Variants in EGFL6 observed in about 807,000 individuals in gnomAD.
EGFL6 encodes epidermal growth factor-like protein 6.
In EGFL6, 42 loss-of-function variants were observed where a neutral mutation model predicts 43.1. The ratio of observed to expected loss-of-function variants is 0.98; its 90% CI spans 0.76 to 1.26. The LOEUF is 1.26. Ranked by LOEUF, EGFL6 falls within the 50% of genes most tolerant of loss-of-function variation. The pLI is 0.00. For synonymous variants in EGFL6, 164 were observed against 163.2 expected, an observed-to-expected ratio of 1.01 and a Z score of -0.04; for missense variants, 429 against 427.8, an observed-to-expected ratio of 1.00 and a Z score of -0.02.
chrX:13,593,383 G>C (rs1423655424), intron 2 of EGFL6, among the ~76,000 whole-genome samples: 1 of 112,021 alleles, frequency 8.9e-6, no homozygotes, highest in African/African-American at 3.2e-5. Context: ...AGCCTGAAAG[G>C]GGGATTCTTG....
In EGFL6 at chrX:13,572,960, T is replaced by C. The variant is rs372403143; in HGVS notation, c.74+3025T>C. ...CTCCAGGGAGGTTCCATTTCTTGTA[T>C]CTTCCAGCTTCTAGAGGCTGCCAAC... On this transcript the variant is annotated intron_variant, in intron 1 of 11. Coordinates refer to ENST00000361306, the MANE Select transcript of EGFL6 (RefSeq NM_015507.4). Among the ~76,000 whole-genome samples, 97 of 112,444 alleles carry C rather than the reference T, an allele frequency of 8.6e-4. No homozygotes were observed. In the South Asian group the frequency reaches 0.027, roughly 31 times the overall value.
At chrX:13,620,189 T>C (rs1299139562) in intron 9 of EGFL6, among the ~76,000 whole-genome samples, 2 of 111,313 alleles carry the variant, frequency 1.8e-5, no homozygotes, top group Non-Finnish European at 3.8e-5. Flanking sequence ...CTAATTCCTC[T>C]TGGTTTATTT....
chrX:13,578,051 ATC>A (rs2045483942), intron 1 of EGFL6, among the ~76,000 whole-genome samples: 1 of 112,586 alleles, frequency 8.9e-6, no homozygotes. Flanking sequence ...AATCTATGAT[ATC>A]TCAGATTTAA....
intron 3 of EGFL6, among the ~76,000 whole-genome samples, chrX:13,598,483 A>G (rs1013571689): frequency 1.8e-5 from 2 of 111,298 alleles, no homozygotes; most frequent in Non-Finnish European, 1.9e-5. Flanking sequence ...GACATCCTCT[A>G]CAGATAATCC....
chrX:13,633,047 G>C lies in EGFL6; in HGVS notation c.1614G>C (p.Leu538Phe). Residue 538 changes from leucine (L) to phenylalanine (F), a missense_variant, in exon 12 of 12, where the codon TTG (leucine) becomes TTC (phenylalanine). Transcript: ENST00000361306. ...GCGAAATCGCAGTGGATGGCGTCTTGCTTGTTTCAGGCTTATGTCCAGATA... is the reference window on the plus strand; with the variant it reads ...GCGAAATCGCAGTGGATGGCGTCTTCCTTGTTTCAGGCTTATGTCCAGATA... ...KTGEIAVDGV[L>F]LVSGLCPDSL... The C allele has an allele frequency of 8.3e-7, 1 of 1,205,290 alleles. No homozygotes were observed. The highest frequency in any genetic ancestry group is 1.1e-6 in the Non-Finnish European group (1 of 893,518).
intron 1 of EGFL6, among the ~76,000 whole-genome samples, chrX:13,577,920 G>A (rs1171771563): frequency 1.8e-5 from 2 of 112,147 alleles, no homozygotes; most frequent in Non-Finnish European, 3.8e-5. Flanking sequence ...TAACACGATC[G>A]TGACTAATTC....
intron 9 of EGFL6, among the ~76,000 whole-genome samples, chrX:13,622,095 A>G (rs1001917810): frequency 7.1e-5 from 8 of 112,471 alleles, no homozygotes; most frequent in African/African-American, 2.6e-4. Flanking sequence ...TAGTATTAGC[A>G]CTCATTGAAG....
intron 1 of EGFL6, among the ~76,000 whole-genome samples, chrX:13,588,922 G>A (rs2045547858): frequency 8.9e-6 from 1 of 111,965 alleles, no homozygotes; most frequent in Admixed American, 9.5e-5. Flanking sequence ...TACAGAAAAT[G>A]TTTGCCGATC....
intron 8 of EGFL6, among the ~76,000 whole-genome samples, chrX:13,618,658 T>C (rs1409504504): frequency 9.0e-6 from 1 of 111,302 alleles, no homozygotes; most frequent in African/African-American, 3.3e-5. Flanking sequence ...AGGGTTTCCA[T>C]ATTAACCCAC....
intron 7 of EGFL6, among the ~76,000 whole-genome samples, chrX:13,611,472 C>T (rs770195747): frequency 5.3e-5 from 6 of 112,248 alleles, no homozygotes; most frequent in African/African-American, 1.9e-4. Flanking sequence ...ACTCACTCTC[C>T]TACCCCTAGA....
intron 1 of EGFL6, among the ~76,000 whole-genome samples, chrX:13,573,762 G>C (rs2045455817): frequency 9.6e-6 from 1 of 103,970 alleles, no homozygotes; most frequent in Admixed American, 9.8e-5. Flanking sequence ...CATTTGATTT[G>C]GTCTTCTGCT....
intron 1 of EGFL6, among the ~76,000 whole-genome samples, chrX:13,575,362 G>A (rs181112931): frequency 3.6e-5 from 4 of 111,866 alleles, no homozygotes; most frequent in Admixed American, 1.9e-4. Flanking sequence ...CCCAGGAGGC[G>A]GAGGTTGTGG....
chrX:13,626,943 T>C (rs750226195), intron 10 of EGFL6, 68 bp from the exon 11 acceptor site: 291 of 1,111,188 alleles, frequency 2.6e-4, no homozygotes, highest in Non-Finnish European at 3.4e-4. Flanking sequence ...TATAGCTTTT[T>C]TTATACATTA....
At chrX:13,580,159 G>A (rs1602637302) in intron 1 of EGFL6, among the ~76,000 whole-genome samples, 1 of 111,338 alleles carries the variant, frequency 9.0e-6, no homozygotes, top group East Asian at 2.8e-4. Context: ...GTTTGCCTTC[G>A]CCCACACTTG....
At position 13,627,389 on chromosome X, in the gene EGFL6, C is replaced by T. The variant is rs1015908309; in HGVS notation, c.1551+113C>T. 1.2e-5 allele frequency: 12 copies of T among 972,866 alleles called. No homozygotes were observed. In the East Asian group the frequency reaches 1.3e-4, roughly 10 times the overall value. The allele number at this position is 972,866 out of a possible 1,213,427, so 80.2% of individuals were successfully genotyped here. A position where few individuals can be genotyped will look rare whatever the true frequency, so the allele number is the denominator to read the frequency against. On this transcript the variant is annotated intron_variant, in intron 11 of 11. Transcript: ENST00000361306. ...AGGCATTAAGGATACAACGATAAGA[C>T]TTTTTCCCTACACTTAAAGAATACG...
intron 7 of EGFL6, among the ~76,000 whole-genome samples, chrX:13,616,790 C>T (rs887508619): frequency 2.9e-4 from 32 of 111,283 alleles, no homozygotes; most frequent in African/African-American, 5.9e-4. Flanking sequence ...TTGCGTTCTT[C>T]GACACCAACA....
At chrX:13,577,323 TATATATATATATATATATAC>T (rs1306421383) in intron 1 of EGFL6, among the ~76,000 whole-genome samples, 728 of 20,471 alleles carry the variant, frequency 0.036, 11 homozygotes, top group African/African-American at 0.069. Context: ...TATATATATA[TATATATATATATATATATAC>T]ATACACACAC....
At chrX:13,569,964 C>T (rs766409619) in intron 1 of EGFL6, 29 bp downstream of exon 1, 24 of 1,198,659 alleles carry the variant, frequency 2.0e-5, no homozygotes, top group African/African-American at 1.6e-4. Flanking sequence ...ATTGGCTTCC[C>T]CCCACCCCCG....
chrX:13,607,256 T>C (rs2045665537), intron 6 of EGFL6, among the ~76,000 whole-genome samples: 1 of 111,546 alleles, frequency 9.0e-6, no homozygotes, highest in South Asian at 3.9e-4. Context: ...TGAAGGGAAA[T>C]TCGGGCTCTC....
Sources: allele counts gnomAD v4.1 joint callset (sites outside exome capture counted in the v4.1 genomes callset), GRCh38; gene constraint gnomAD v4.1.1; transcripts MANE v1.5; gene names NCBI Gene and HGNC (gene_info 2026-07-23, HGNC 2026-07-21).